Variants in EXD1 observed in about 807,000 individuals in gnomAD.
EXD1 encodes piRNA biogenesis protein EXD1.
Under a neutral mutation model 49.1 loss-of-function variants are expected in EXD1, and 63 were observed. The observed-to-expected ratio is 1.28, with a 90% CI of 1.05 to 1.58. The LOEUF is 1.58. EXD1 is among the 40% of genes most tolerant of loss of function. The pLI, the probability that EXD1 is intolerant of heterozygous loss-of-function variation, is 0.00. For missense variants in EXD1, 748 were observed against 666.0 expected, an observed-to-expected ratio of 1.12 and a Z score of -1.36; for synonymous variants, 234 against 239.2, an observed-to-expected ratio of 0.98 and a Z score of 0.20.
Position 41,195,798 on chromosome 15 carries a change from G to T in EXD1, c.697C>A (p.Leu233Met), listed in dbSNP as rs765118229. ...DCLSHQYGIL[L>M]NNVFDTQVAD... ...ACCTGTGTGTCAAAGACATTATTCA[G>T]CAAAATTCCATACTGATGAGAGAGG... is the stretch of plus-strand genomic sequence containing the variant. The change falls in exon 9 of 12, where the codon CTG becomes ATG. Residue 233 changes from leucine (L) to methionine (M), a missense_variant. Physicochemically the swap from Leu to Met is conservative, Grantham distance 15. Coordinates refer to ENST00000458580, the MANE Select transcript of EXD1 (RefSeq NM_001286441.2). 15 of 1,613,430 alleles carry T rather than the reference G, an allele frequency of 9.3e-6. No homozygotes were observed. Among genetic ancestry groups the T allele is most frequent in the Non-Finnish European group, 1.3e-5 (15 of 1,179,830 alleles).
chr15:41,186,129 A>C (rs908341659), intron 11 of EXD1, among the ~76,000 whole-genome samples: 77 of 152,104 alleles, frequency 5.1e-4, no homozygotes, highest in African/African-American at 1.8e-3. Context: ...TTCTCTCTTG[A>C]GATACTTTCC....
intron 2 of EXD1, among the ~76,000 whole-genome samples, chr15:41,220,490 C>G (rs2047071753): frequency 6.6e-6 from 1 of 152,134 alleles, no homozygotes; most frequent in African/African-American, 2.4e-5. Context: ...GATCTCCTGA[C>G]CTTGTGATCC....
At chr15:41,222,637 AATTT>A (rs1364772347) in intron 2 of EXD1, among the ~76,000 whole-genome samples, 2 of 138,598 alleles carry the variant, frequency 1.4e-5, no homozygotes, top group African/African-American at 6.0e-5. Flanking sequence ...TTTTTATTTA[AATTT>A]TTTTTTTTTT....
At chr15:41,217,216 C>T (rs937478820) in intron 3 of EXD1, 62 bp from the exon 4 acceptor site, 3 of 1,335,402 alleles carry the variant, frequency 2.2e-6, no homozygotes, top group Non-Finnish European at 3.2e-6. Context: ...AACTACTCCA[C>T]TACCCACACA....
At chr15:41,196,112 T>C (rs1469209834) in intron 7 of EXD1, 75 bp from the exon 8 acceptor site, 1 of 1,034,272 alleles carries the variant, frequency 9.7e-7, no homozygotes, top group East Asian at 2.4e-5. Context: ...GGATGAAGAG[T>C]AAAAGACGTG....
Position 41,189,908 on chromosome 15 carries a change from A to G in EXD1, c.1056+29T>C, listed in dbSNP as rs1174273327. The G allele has an allele frequency of 2.5e-6, 4 of 1,602,184 alleles. No individual in the cohort carries two copies. The Admixed American group carries it at 6.8e-5, about 27-fold the overall frequency. On this transcript the variant is annotated intron_variant, in intron 11 of 11. Coordinates refer to ENST00000458580, the MANE Select transcript of EXD1 (RefSeq NM_001286441.2). ...TGCCTTCCTTGAGAAGGCAGAAAGG[A>G]GGTCCTGAAGACAGAGAGCTGCACC... is the stretch of plus-strand genomic sequence containing the variant.
chr15:41,218,646 A>T (rs141581433), intron 3 of EXD1, among the ~76,000 whole-genome samples: 33 of 152,234 alleles, frequency 2.2e-4, no homozygotes, highest in African/African-American at 7.9e-4. Flanking sequence ...CTACAAACCC[A>T]TTCACAGCCT....
chr15:41,195,811 C>T lies in EXD1; in HGVS notation c.684G>A (p.Gln228=), dbSNP rs751713324. The T allele has an allele frequency of 6.2e-7, 1 of 1,613,616 alleles. No homozygotes were observed. Among genetic ancestry groups the T allele is most frequent in the South Asian group, 1.1e-5 (1 of 90,972 alleles). ...AGACATTATTCAGCAAAATTCCATA[C>T]TGATGAGAGAGGCAATCAGAAAGCC... ...CRWLSDCLSH[Q]YGILLNNVFD... The change falls in exon 9 of 12, where the codon CAG becomes CAA. Residue 228 remains glutamine (Q), a synonymous_variant. Coordinates refer to ENST00000458580, the MANE Select transcript of EXD1 (RefSeq NM_001286441.2).
intron 2 of EXD1, among the ~76,000 whole-genome samples, chr15:41,220,677 GAGA>G (rs1415672464): frequency 6.6e-6 from 1 of 152,182 alleles, no homozygotes; most frequent in Non-Finnish European, 1.5e-5. Context: ...AGGAAGTTAG[GAGA>G]AGGTTAGATG....
intron 5 of EXD1, among the ~76,000 whole-genome samples, chr15:41,216,282 A>G (rs2046997301): frequency 6.6e-6 from 1 of 150,870 alleles, no homozygotes; most frequent in Non-Finnish European, 1.5e-5. Flanking sequence ...AAGAGAGCCT[A>G]GTTGAATTTG....
rs1337244731 is a variant in EXD1 at position 41,196,041 on chromosome 15, C to A, written c.535-4G>T. 8.7e-6 allele frequency: 14 copies of A among 1,606,504 alleles called. No individual in the cohort carries two copies. In the Middle Eastern group the frequency reaches 6.6e-4, roughly 76 times the overall value. ...AAACTCGGCAATTTGTGGCCACCTA[C>A]AATAGACCATCCAGACACACATACC... On this transcript the variant is annotated splice_region_variant and splice_polypyrimidine_tract_variant and intron_variant, in intron 7 of 11. Coordinates refer to ENST00000458580, the MANE Select transcript of EXD1 (RefSeq NM_001286441.2).
chr15:41,221,539 T>C (rs1299031004), intron 2 of EXD1, among the ~76,000 whole-genome samples: 2 of 151,832 alleles, frequency 1.3e-5, no homozygotes, highest in African/African-American at 4.8e-5. Flanking sequence ...CTCCCAAAAG[T>C]CGTGGGATTA....
Position 41,204,048 on chromosome 15 carries a change from C to G in EXD1, c.534+5453G>C, listed in dbSNP as rs1261361670. On this transcript the variant is annotated intron_variant, in intron 7 of 11. Transcript: ENST00000458580. ...ATCACTTGAGCTCAGGAGTTTGAGACCAGCCTGGGCAACACAGTGCAACCC... is the reference window on the plus strand; with the variant it reads ...ATCACTTGAGCTCAGGAGTTTGAGAGCAGCCTGGGCAACACAGTGCAACCC... Among the ~76,000 whole-genome samples, 5 of 150,266 alleles carry G rather than the reference C, an allele frequency of 3.3e-5. No homozygotes were observed. The East Asian group carries it at 9.8e-4, about 29-fold the overall frequency.
chr15:41,229,574 G>C (rs2047207974), intron 1 of EXD1, among the ~76,000 whole-genome samples: 1 of 152,126 alleles, frequency 6.6e-6, no homozygotes, highest in East Asian at 1.9e-4. Context: ...TTCGAGACCA[G>C]CCTGACCAAC....
chr15:41,206,691 G>A (rs541606945), intron 7 of EXD1, among the ~76,000 whole-genome samples: 5 of 133,128 alleles, frequency 3.8e-5, no homozygotes, highest in East Asian at 4.7e-4. Flanking sequence ...GCACAATCTC[G>A]GCTCACTGAA....
chr15:41,186,853 C>T (rs1202897887), intron 11 of EXD1, among the ~76,000 whole-genome samples: 6 of 150,802 alleles, frequency 4.0e-5, no homozygotes, highest in African/African-American at 1.5e-4. Flanking sequence ...CGGCTCACTG[C>T]AACCTCCACC....
chr15:41,217,635 A>G (rs908977771), intron 3 of EXD1, among the ~76,000 whole-genome samples: 4 of 147,356 alleles, frequency 2.7e-5, no homozygotes, highest in African/African-American at 1.0e-4. Context: ...GGTTCAGGTG[A>G]TACTCCTGCC....
At position 41,182,896 on chromosome 15, in the gene EXD1, T is replaced by A. The variant is rs995519727; in HGVS notation, c.*1035A>T. 2.0e-5 allele frequency: 3 copies of A among 152,100 alleles called. No homozygotes were observed. The highest frequency in any genetic ancestry group is 2.9e-5 in the Non-Finnish European group (2 of 68,022). 9.4% of individuals were successfully genotyped at this position (152,100 alleles called of 1,614,324 possible). A position where few individuals can be genotyped will look rare whatever the true frequency, so the allele number is the denominator to read the frequency against. On this transcript the variant is annotated 3_prime_UTR_variant, in exon 12 of 12. Transcript: ENST00000458580. ...AAATAGAATGGAGTCAGGCTTCAAGTTTATATAACAGACAGACTAAAAAGA... is the reference window on the plus strand; with the variant it reads ...AAATAGAATGGAGTCAGGCTTCAAGATTATATAACAGACAGACTAAAAAGA...
chr15:41,227,115 T>G (rs8032335), intron 1 of EXD1, among the ~76,000 whole-genome samples: 3,595 of 152,312 alleles, frequency 0.024, 136 homozygotes, highest in African/African-American at 0.081. Context: ...CTGAAGCTGA[T>G]AATTTTAAGT....
Sources: gnomAD v4.1 joint callset for allele counts (sites outside exome capture counted in the v4.1 genomes callset) on GRCh38, gnomAD v4.1.1 for gene constraint, MANE v1.5 for transcripts, NCBI Gene and HGNC (gene_info 2026-07-23, HGNC 2026-07-21) for gene names.